Variants in ATP2B1 observed in about 807,000 individuals in gnomAD.
ATP2B1 encodes plasma membrane calcium-transporting ATPase 1.
A neutral mutation model predicts 124.2 loss-of-function variants in ATP2B1; 14 were observed. The observed-to-expected ratio is 0.11, with a 90% CI of 0.07 to 0.18. The LOEUF is 0.18. ATP2B1 is among the 10% of genes least tolerant of loss of function. The pLI is 1.00. For missense variants in ATP2B1, 763 were observed against 1,466.1 expected (o/e 0.52, Z 7.83); for synonymous variants, 449 against 492.4 (o/e 0.91, Z 1.17).
At position 89,590,927 on chromosome 12, in the gene ATP2B1, C is replaced by T; in HGVS notation, c.*57G>A. Reference sequence around the variant, plus strand: ...TTGTCCATCACAATATGTGAAAAGACCCAGTTTCAATTTGTTTCTTTACAA... The same window carrying T: ...TTGTCCATCACAATATGTGAAAAGATCCAGTTTCAATTTGTTTCTTTACAA... On this transcript the variant is annotated 3_prime_UTR_variant, in exon 21 of 21. Coordinates refer to ENST00000428670, the MANE Select transcript of ATP2B1 (RefSeq NM_001366521.1). The T allele has an allele frequency of 6.7e-7, 1 of 1,502,036 alleles. No homozygotes were observed. The highest frequency in any genetic ancestry group is 9.1e-7 in the Non-Finnish European group (1 of 1,097,802). 93.0% of individuals were successfully genotyped at this position (1,502,036 alleles called of 1,614,324 possible).
chr12:89,613,723 A>G (rs1878453836), intron 12 of ATP2B1, among the ~76,000 whole-genome samples: 1 of 152,212 alleles, frequency 6.6e-6, no homozygotes, highest in African/African-American at 2.4e-5. Context: ...TCAGGTTAAA[A>G]CTATGTGGCA....
intron 18 of ATP2B1, among the ~76,000 whole-genome samples, chr12:89,602,282 A>T (rs1189354368): frequency 6.6e-6 from 1 of 152,096 alleles, no homozygotes; most frequent in Non-Finnish European, 1.5e-5. Flanking sequence ...AAAATAAATA[A>T]TTTTTTAAAA....
intron 1 of ATP2B1, among the ~76,000 whole-genome samples, chr12:89,687,415 A>T (rs1167824184): frequency 1.3e-5 from 2 of 152,122 alleles, no homozygotes; most frequent in African/African-American, 4.8e-5. Context: ...GTGAATTTGC[A>T]CAATAACGAA....
intron 5 of ATP2B1, 26 bp downstream of exon 5, chr12:89,634,752 T>C (rs1882422933): frequency 6.4e-7 from 1 of 1,557,306 alleles, no homozygotes; most frequent in Non-Finnish European, 8.7e-7. Flanking sequence ...GAGGAAAGTG[T>C]TCAAAGATAT....
chr12:89,708,966 C>T (rs1404650052), upstream of ATP2B1: 8 of 151,532 alleles, frequency 5.3e-5, no homozygotes, highest in Non-Finnish European at 1.2e-4. Flanking sequence ...CAGAGCGGCA[C>T]ACAGGGCGCG....
At chr12:89,661,511 C>A (rs1886690639) in intron 1 of ATP2B1, among the ~76,000 whole-genome samples, 1 of 152,004 alleles carries the variant, frequency 6.6e-6, no homozygotes, top group African/African-American at 2.4e-5. Context: ...TAAATACTCA[C>A]AAAATCATTA....
At chr12:89,605,476 CTT>C (rs1168845793) in intron 15 of ATP2B1, among the ~76,000 whole-genome samples, 2 of 152,166 alleles carry the variant, frequency 1.3e-5, no homozygotes, top group African/African-American at 4.8e-5. Context: ...GCGGTGTTCT[CTT>C]GCCCTTCTCC....
chr12:89,648,780 C>T (rs1050505170), intron 2 of ATP2B1, among the ~76,000 whole-genome samples: 1 of 152,250 alleles, frequency 6.6e-6, no homozygotes, highest in Non-Finnish European at 1.5e-5. Flanking sequence ...GGCCCAGCAG[C>T]CTAGGCGGAA....
intron 13 of ATP2B1, among the ~76,000 whole-genome samples, chr12:89,610,913 T>C (rs970074139): frequency 2.0e-5 from 3 of 152,170 alleles, no homozygotes; most frequent in African/African-American, 7.2e-5. Flanking sequence ...CATCTCCCAT[T>C]ACTCCCTTAT....
At chr12:89,645,581 T>G (rs1292458307) in intron 2 of ATP2B1, among the ~76,000 whole-genome samples, 1 of 152,156 alleles carries the variant, frequency 6.6e-6, no homozygotes. Context: ...CTGTCTGAAC[T>G]TCCAGGGGTC....
At chr12:89,646,908 T>G (rs182817484) in intron 2 of ATP2B1, among the ~76,000 whole-genome samples, 6 of 152,078 alleles carry the variant, frequency 3.9e-5, no homozygotes, top group Admixed American at 3.9e-4. Context: ...AAGACAACAC[T>G]GATGATACAG....
rs149295951 is a variant in ATP2B1 at position 89,643,746 on chromosome 12, G to GT, written c.209-1392dup. ...TACACATGTACATTATTGTGGGAATGTAACAGTACAGACAGCAGTGACAAA... is the reference window on the plus strand; with the variant it reads ...TACACATGTACATTATTGTGGGAATGTTAACAGTACAGACAGCAGTGACAAA... On this transcript the variant is annotated intron_variant, in intron 2 of 20. Coordinates refer to ENST00000428670, the MANE Select transcript of ATP2B1 (RefSeq NM_001366521.1). Among the ~76,000 whole-genome samples the GT allele has an allele frequency of 2.4e-3, 365 of 152,354 alleles. 1 individual carries two copies. Among genetic ancestry groups the GT allele is most frequent in the African/African-American group, 8.5e-3 (352 of 41,570 alleles).
chr12:89,635,330 T>C (rs1882526430), intron 3 of ATP2B1, 79 bp from the exon 4 acceptor site: 4 of 1,453,180 alleles, frequency 2.8e-6, no homozygotes, highest in Admixed American at 2.2e-5. Flanking sequence ...CTAAATCATA[T>C]TTTTGTGTTA....
chr12:89,667,891 A>G (rs1330638376), intron 1 of ATP2B1, among the ~76,000 whole-genome samples: 1 of 152,234 alleles, frequency 6.6e-6, no homozygotes, highest in African/African-American at 2.4e-5. Flanking sequence ...AAATCATTCT[A>G]AAATTCATAT....
chr12:89,635,826 C>T (rs1315893143), intron 3 of ATP2B1, among the ~76,000 whole-genome samples: 1 of 152,106 alleles, frequency 6.6e-6, no homozygotes, highest in Non-Finnish European at 1.5e-5. Context: ...AAGCAAACTG[C>T]TACTTGTTAT....
chr12:89,598,558 TTAA>T (rs765072481), intron 20 of ATP2B1: 10 of 1,590,268 alleles, frequency 6.3e-6, no homozygotes, highest in Non-Finnish European at 8.6e-6. Context: ...GTAGGAAATG[TTAA>T]TTTCATGCAC....
intron 1 of ATP2B1, among the ~76,000 whole-genome samples, chr12:89,672,067 G>A (rs1888064523): frequency 6.6e-6 from 1 of 152,098 alleles, no homozygotes; most frequent in Non-Finnish European, 1.5e-5. Flanking sequence ...AAGCAACAAC[G>A]AAATGACAAA....
At chr12:89,670,786 G>A (rs1486071881) in intron 1 of ATP2B1, among the ~76,000 whole-genome samples, 1 of 152,018 alleles carries the variant, frequency 6.6e-6, no homozygotes, top group Non-Finnish European at 1.5e-5. Flanking sequence ...TATCAGTTAA[G>A]GAAGTACAAG....
At chr12:89,620,318 A>T in intron 10 of ATP2B1, 78 bp from the exon 11 acceptor site, 1 of 1,465,594 alleles carries the variant, frequency 6.8e-7, no homozygotes, top group Non-Finnish European at 9.3e-7. Flanking sequence ...ACAGACTGCG[A>T]TATTCTAAAA....
Sources: allele counts gnomAD v4.1 joint callset (sites outside exome capture counted in the v4.1 genomes callset), GRCh38; gene constraint gnomAD v4.1.1; transcripts MANE v1.5; gene names NCBI Gene and HGNC (gene_info 2026-07-23, HGNC 2026-07-21).